Variants in ARHGAP20 observed in about 807,000 individuals in gnomAD.
The protein encoded by ARHGAP20 is Rho GTPase activating protein 20, also known as rho GTPase-activating protein 20.
A neutral mutation model predicts 73.7 loss-of-function variants in ARHGAP20; 34 were observed. The ratio of observed to expected loss-of-function variants is 0.46; its 90% confidence interval spans 0.35 to 0.61. ARHGAP20 has a LOEUF of 0.61. ARHGAP20 is among the 20% of genes least tolerant of loss of function. The pLI is 0.00. For missense variants in ARHGAP20, 1,314 were observed against 1,420.9 expected, an observed-to-expected ratio of 0.92 and a Z score of 1.21; for synonymous variants, 523 against 518.2, an observed-to-expected ratio of 1.01 and a Z score of -0.13.
At chr11:110,648,172 A>AATAT (rs201393164) in intron 2 of ARHGAP20, among the ~76,000 whole-genome samples, 11 of 91,544 alleles carry the variant, frequency 1.2e-4, no homozygotes, top group Admixed American at 3.1e-4. Context: ...TATATATGTA[A>AATAT]ATATATATAT....
chr11:110,666,981 C>T (rs756632258), intron 2 of ARHGAP20, among the ~76,000 whole-genome samples: 8 of 152,194 alleles, frequency 5.3e-5, no homozygotes, highest in Non-Finnish European at 1.2e-4. Flanking sequence ...AGTGAGTAAC[C>T]TGCAGAAGAA....
chr11:110,608,147 A>T (rs189004), intron 8 of ARHGAP20, among the ~76,000 whole-genome samples: 32,340 of 152,058 alleles, frequency 0.21, 4,442 homozygotes, highest in African/African-American at 0.39. Flanking sequence ...CAAATGAAAG[A>T]ATTACATGAA....
rs1385105427 is a variant in ARHGAP20 at position 110,580,436 on chromosome 11, T to A, written c.2510A>T (p.Lys837Met). 6.2e-7 allele frequency: 1 copy of A among 1,614,190 alleles called. No homozygotes were observed. The highest frequency in any genetic ancestry group is 8.5e-7 in the Non-Finnish European group (1 of 1,180,034). ...GCAGCGCCGATGTGTCCTTGGACCCTTGAGGGCATCTGCTGTGTGTGGTGG... is the reference window on the plus strand; with the variant it reads ...GCAGCGCCGATGTGTCCTTGGACCCATGAGGGCATCTGCTGTGTGTGGTGG... The part of the protein sequence containing the change: ...YSPPHTADAL[K>M]GPRTHRRCSE... The change falls in exon 15 of 15, where the codon AAG (lysine) becomes ATG (methionine). Residue 837 changes from lysine to methionine, a missense_variant. Physicochemically the swap from Lys to Met is moderately conservative, Grantham distance 95. This residue lies in a region of ARHGAP20 where 641 missense variants were observed against 636.9 expected (regional missense o/e 1.01). Coordinates refer to ENST00000683387, the MANE Select transcript of ARHGAP20 (RefSeq NM_001384657.1).
chr11:110,610,763 T>C (rs899634635), intron 7 of ARHGAP20, among the ~76,000 whole-genome samples: 2 of 152,274 alleles, frequency 1.3e-5, no homozygotes, highest in African/African-American at 2.4e-5. Flanking sequence ...TCGAAATCCA[T>C]GATCTAATTC....
At chr11:110,645,459 G>T (rs1949170724) in intron 2 of ARHGAP20, among the ~76,000 whole-genome samples, 1 of 152,126 alleles carries the variant, frequency 6.6e-6, no homozygotes, top group Admixed American at 6.5e-5. Context: ...TTGTTAAAAA[G>T]TCAAAAAGCA....
chr11:110,578,234 A>AAGC lies in ARHGAP20; in HGVS notation c.*1133_*1135dup, dbSNP rs1947339810. On this transcript the variant is annotated 3_prime_UTR_variant, in exon 15 of 15. Transcript: ENST00000683387. ...GGCAAAAATATGGAACAACGTCTGGAAGCAAAACCCAAAGCAAATGGCTGT... is the reference window on the plus strand; with the variant it reads ...GGCAAAAATATGGAACAACGTCTGGAAGCAGCAAAACCCAAAGCAAATGGCTGT... 1.0e-6 allele frequency: 1 copy of AAGC among 985,362 alleles called. No individual in the cohort carries two copies. The allele number at this position is 985,362 out of a possible 1,614,324, so 61.0% of individuals were successfully genotyped here.
At chr11:110,670,483 T>A (rs1326495784) in intron 2 of ARHGAP20, among the ~76,000 whole-genome samples, 1 of 151,992 alleles carries the variant, frequency 6.6e-6, no homozygotes, top group Non-Finnish European at 1.5e-5. Flanking sequence ...ACAGACACAT[T>A]CCTTGAAAGA....
chr11:110,709,001 C>T (rs192928780), intron 1 of ARHGAP20, among the ~76,000 whole-genome samples: 2 of 152,232 alleles, frequency 1.3e-5, no homozygotes, highest in South Asian at 2.1e-4. Flanking sequence ...TAGATAAAGG[C>T]GTTCCATCAT....
intron 2 of ARHGAP20, among the ~76,000 whole-genome samples, chr11:110,641,899 A>G (rs548329246): frequency 1.3e-5 from 2 of 152,162 alleles, no homozygotes; most frequent in Admixed American, 6.6e-5. Flanking sequence ...CTCATTTTGA[A>G]TTCAAGTTAC....
rs188690804 is a variant in ARHGAP20, at chr11:110,665,743, C to T, written c.188+24804G>A. 2.5e-4 allele frequency among the ~76,000 whole-genome samples: 38 copies of T among 152,090 alleles called. 1 individual carries two copies. In the East Asian group the frequency reaches 5.8e-3, roughly 23 times the overall value. ...CTGAGAACTGATCAGTGCATGTATG[C>T]GAGGAAATTACCTGAGGCTGGGAAA... On this transcript the variant is annotated intron_variant, in intron 2 of 14. Coordinates refer to ENST00000683387, the MANE Select transcript of ARHGAP20 (RefSeq NM_001384657.1).
intron 2 of ARHGAP20, among the ~76,000 whole-genome samples, chr11:110,685,919 A>C (rs1950123515): frequency 1.3e-5 from 2 of 151,986 alleles, no homozygotes; most frequent in Middle Eastern, 3.4e-3. Flanking sequence ...GATAGAAACG[A>C]TTTTGGGGGA....
At chr11:110,589,498 G>C in intron 11 of ARHGAP20, 1 of 985,440 alleles carries the variant, frequency 1.0e-6, no homozygotes, top group Non-Finnish European at 1.2e-6. Flanking sequence ...TCACGTTTCA[G>C]CCTGAGATAC....
At chr11:110,689,961 C>CAA (rs34455752) in intron 2 of ARHGAP20, among the ~76,000 whole-genome samples, 43 of 131,906 alleles carry the variant, frequency 3.3e-4, no homozygotes, top group South Asian at 9.6e-4. Context: ...TCCTGCTCTG[C>CAA]AAAAAAAAAA....
chr11:110,665,418 A>C (rs1234847828), intron 2 of ARHGAP20, among the ~76,000 whole-genome samples: 2 of 152,158 alleles, frequency 1.3e-5, no homozygotes, highest in Non-Finnish European at 2.9e-5. Context: ...CAACAAAATA[A>C]GAAAAAATAT....
intron 2 of ARHGAP20, among the ~76,000 whole-genome samples, chr11:110,673,969 C>T (rs531313665): frequency 1.3e-5 from 2 of 148,832 alleles, no homozygotes; most frequent in Admixed American, 1.3e-4. Context: ...GACAGCATTT[C>T]GCTCTGTTGC....
At chr11:110,697,859 T>C (rs377760014) in intron 1 of ARHGAP20, among the ~76,000 whole-genome samples, 1 of 152,040 alleles carries the variant, frequency 6.6e-6, no homozygotes, top group East Asian at 1.9e-4. Flanking sequence ...GGCAATATGA[T>C]GACTCTGGAT....
At chr11:110,661,878 T>C (rs549990637) in intron 2 of ARHGAP20, among the ~76,000 whole-genome samples, 5 of 152,068 alleles carry the variant, frequency 3.3e-5, no homozygotes, top group South Asian at 2.1e-4. Flanking sequence ...TTCTGCAATG[T>C]AGAAAAAATA....
intron 2 of ARHGAP20, among the ~76,000 whole-genome samples, chr11:110,633,837 T>C (rs1948908366): frequency 6.6e-6 from 1 of 152,058 alleles, no homozygotes; most frequent in Non-Finnish European, 1.5e-5. Flanking sequence ...GGCTAGGTGG[T>C]ATGGCAAGAT....
At chr11:110,629,359 G>A (rs577035798) in intron 3 of ARHGAP20, among the ~76,000 whole-genome samples, 8 of 152,222 alleles carry the variant, frequency 5.3e-5, no homozygotes, top group South Asian at 2.1e-4. Context: ...ATAATTAAAC[G>A]AAATCTTTGT....
Sources: allele counts gnomAD v4.1 joint callset (sites outside exome capture counted in the v4.1 genomes callset), GRCh38; gene constraint gnomAD v4.1.1; regional missense constraint gnomAD v4.1.1; transcripts MANE v1.5; gene names NCBI Gene and HGNC (gene_info 2026-07-23, HGNC 2026-07-21).